The following RNF166 variants were observed in gnomAD, a reference collection of about 807,000 sequenced individuals.
RNF166 encodes E3 ubiquitin-protein ligase RNF166.
Under a neutral mutation model 29.4 loss-of-function variants are expected in RNF166, and 19 were observed. The observed-to-expected ratio is 0.65, with a 90% confidence interval of 0.45 to 0.95. The LOEUF is 0.95. Among genes scored for constraint, RNF166 ranks in the 40% least tolerant of loss-of-function variants. RNF166 has a pLI of 0.00. For synonymous variants in RNF166, 171 were observed against 134.5 expected (o/e 1.27, Z -1.88); for missense variants, 347 against 322.1 (o/e 1.08, Z -0.59).
At position 88,699,645 on chromosome 16, in the gene RNF166, C is replaced by T; in HGVS notation, c.400G>A (p.Val134Met). 4.3e-6 allele frequency: 7 copies of T among 1,613,376 alleles called. No homozygotes were observed. The highest frequency in any genetic ancestry group is 5.9e-6 in the Non-Finnish European group (7 of 1,179,818). ...MANCPKFVPV[V>M]PTSQPIPSNI... The stretch of plus-strand genomic sequence containing the variant: ...CTGGGGATAGGCTGTGATGTGGGCA[C>T]CACGGGGACGAACTTGGGGCAGTTG... Residue 134 changes from valine (V) to methionine (M), a missense_variant, in exon 3 of 6, where the codon GTG becomes ATG. Coordinates refer to ENST00000312838, the MANE Select transcript of RNF166 (RefSeq NM_178841.4).
chr16:88,703,962 G>A, intron 1 of RNF166: 3 of 985,478 alleles, frequency 3.0e-6, no homozygotes, highest in Non-Finnish European at 3.6e-6. Flanking sequence ...GCGTGTCCTG[G>A]CCCACAGGCT....
chr16:88,702,432 A>G (rs1377857630), intron 1 of RNF166, among the ~76,000 whole-genome samples: 1 of 152,164 alleles, frequency 6.6e-6, no homozygotes, highest in Non-Finnish European at 1.5e-5. Flanking sequence ...CCCACTGGAC[A>G]GAGGGGCTGT....
At chr16:88,701,200 C>T (rs970298527) in intron 2 of RNF166, 62 bp downstream of exon 2, 3 of 1,594,956 alleles carry the variant, frequency 1.9e-6, no homozygotes. Context: ...TCTGCAGAAC[C>T]CGTGGGCTGA....
chr16:88,703,199 G>T, intron 1 of RNF166: 1 of 975,514 alleles, frequency 1.0e-6, no homozygotes, highest in Non-Finnish European at 1.2e-6. Flanking sequence ...CAGGCGAGGG[G>T]GAGAGTCCTG....
intron 4 of RNF166, 59 bp from the exon 5 acceptor site, chr16:88,698,668 T>C (rs956555269): frequency 1.5e-5 from 20 of 1,324,530 alleles, no homozygotes; most frequent in Non-Finnish European, 2.0e-5. Context: ...GTAGCCGCAG[T>C]AGGACTGGGG....
chr16:88,702,195 C>A (rs528068720), intron 1 of RNF166, among the ~76,000 whole-genome samples: 1 of 152,250 alleles, frequency 6.6e-6, no homozygotes, highest in Non-Finnish European at 1.5e-5. Context: ...GAGGGGTGCA[C>A]CACCAGCCAG....
chr16:88,701,540 G>A (rs936021192), intron 1 of RNF166, 122 bp from the exon 2 acceptor site: 6 of 927,550 alleles, frequency 6.5e-6, no homozygotes, highest in Non-Finnish European at 9.4e-6. Context: ...TCCCCCTACC[G>A]CTGTCGCCGT....
intron 3 of RNF166, 131 bp from the exon 4 acceptor site, chr16:88,699,216 GC>G: frequency 2.8e-6 from 2 of 708,840 alleles, no homozygotes; most frequent in Non-Finnish European, 4.9e-6. Flanking sequence ...GTGGCTGGGT[GC>G]CCCCCGTGCC....
chr16:88,701,042 C>T (rs941181490), intron 2 of RNF166: 23 of 1,373,754 alleles, frequency 1.7e-5, no homozygotes, highest in Non-Finnish European at 1.9e-5. Context: ...AGTGCTACCC[C>T]CACCGGGCTG....
At position 88,706,395 on chromosome 16, in the gene RNF166, TA is replaced by T; in HGVS notation, c.-71del. On this transcript the variant is annotated 5_prime_UTR_variant, in exon 1 of 6. Transcript: ENST00000312838. ...GGGCCGGCCCGCTAGTCACAGCCGC[TA>T]CTGCGCCGCGCTGACGTCATCGTAG... The T allele has an allele frequency of 8.2e-7, 1 of 1,222,042 alleles. No individual in the cohort carries two copies. Among genetic ancestry groups the T allele is most frequent in the Non-Finnish European group, 1.0e-6 (1 of 973,176 alleles). The allele number at this position is 1,222,042 out of a possible 1,614,324, so 75.7% of individuals were successfully genotyped here.
At position 88,698,545 on chromosome 16, in the gene RNF166, T is replaced by C; in HGVS notation, c.605A>G (p.Gln202Arg). Residue 202 changes from glutamine (Q) to arginine (R), a missense_variant, in exon 5 of 6, where the codon CAG becomes CGG. Transcript: ENST00000312838. Reference sequence around the variant, plus strand: ...GAACTTGTGTCGGTGAAGCAGGTGCTGCAGGAAGTTGGCGCTCTTGTAGCT... The same window carrying C: ...GAACTTGTGTCGGTGAAGCAGGTGCCGCAGGAAGTTGGCGCTCTTGTAGCT... ...DPSYKSANFL[Q>R]HLLHRHKFSY... 1 of 1,574,638 alleles carries C rather than the reference T, an allele frequency of 6.4e-7. No homozygotes were observed. Among genetic ancestry groups the C allele is most frequent in the Non-Finnish European group, 8.6e-7 (1 of 1,159,886 alleles).
chr16:88,698,722 C>G, intron 4 of RNF166, 113 bp from the exon 5 acceptor site: 1 of 805,712 alleles, frequency 1.2e-6, no homozygotes, highest in Non-Finnish European at 1.9e-6. Context: ...CCTGGGAAGG[C>G]ACCCCAGACC....
At position 88,696,610 on chromosome 16, in the gene RNF166, C is replaced by T. The variant is rs538097687; in HGVS notation, c.*958G>A. Reference sequence around the variant, plus strand: ...TGTTGCCCGGCCCGCCAAGCGGGCCCCTGCCCAGGCCCCCAAGCTCTGCCA... The same window carrying T: ...TGTTGCCCGGCCCGCCAAGCGGGCCTCTGCCCAGGCCCCCAAGCTCTGCCA... On this transcript the variant is annotated 3_prime_UTR_variant, in exon 6 of 6. Coordinates refer to ENST00000312838, the MANE Select transcript of RNF166 (RefSeq NM_178841.4). 1 of 454,590 alleles carries T rather than the reference C, an allele frequency of 2.2e-6. No homozygotes were observed. The allele number at this position is 454,590 out of a possible 1,614,324, so 28.2% of individuals were successfully genotyped here.
At position 88,698,992 on chromosome 16, in the gene RNF166, G is replaced by A. The variant is rs747748900; in HGVS notation, c.519C>T (p.His173=). 1 of 1,603,468 alleles carries A rather than the reference G, an allele frequency of 6.2e-7. No homozygotes were observed. Among genetic ancestry groups the A allele is most frequent in the Admixed American group, 1.7e-5 (1 of 58,714 alleles). Residue 173 remains histidine, a synonymous_variant, in exon 4 of 6, where the codon CAC becomes CAT. Transcript: ENST00000312838. The stretch of plus-strand genomic sequence containing the variant: ...TCACCACGCGGTTGGGGTCGCTGCG[G>A]TGGCTTTCCACACAGTGCTTCACCA... The part of the protein sequence containing the change: ...QELVKHCVES[H]RSDPNRVVCP...
chr16:88,702,675 G>A (rs1910373075), intron 1 of RNF166: 1 of 984,600 alleles, frequency 1.0e-6, no homozygotes, highest in Non-Finnish European at 1.2e-6. Context: ...GCTCCCACAT[G>A]AAACTTCGTG....
In RNF166 at chr16:88,706,272, G is replaced by C. The variant is rs1433143233; in HGVS notation, c.54C>G (p.Ala18=). ...GGCCGCTGTCGCCGCCCGCCGGCCC[G>C]GCCGGCGGCTGCCGCTGCTGAGCCG... The part of the protein sequence containing the change: ...VASAQQRQPP[A]GPAGGDSGLE... Residue 18 remains alanine (A), a synonymous_variant, in exon 1 of 6, where the codon GCC becomes GCG. Coordinates refer to ENST00000312838, the MANE Select transcript of RNF166 (RefSeq NM_178841.4). The C allele has an allele frequency of 7.7e-7, 1 of 1,298,860 alleles. No homozygotes were observed. Among genetic ancestry groups the C allele is most frequent in the African/African-American group, 1.6e-5 (1 of 63,570 alleles). The allele number at this position is 1,298,860 out of a possible 1,614,324, so 80.5% of individuals were successfully genotyped here.
At position 88,706,356 on chromosome 16, in the gene RNF166, C is replaced by T; in HGVS notation, c.-31G>A. 7 of 1,216,832 alleles carry T rather than the reference C, an allele frequency of 5.8e-6. No homozygotes were observed. Among genetic ancestry groups the T allele is most frequent in the South Asian group, 3.7e-5 (1 of 26,818 alleles). 75.4% of individuals were successfully genotyped at this position (1,216,832 alleles called of 1,614,324 possible). On this transcript the variant is annotated 5_prime_UTR_variant, in exon 1 of 6. Coordinates refer to ENST00000312838, the MANE Select transcript of RNF166 (RefSeq NM_178841.4). ...GGCCAGGCCCGCGCCGCCCGCCGCC[C>T]GCTGTCCTGGCCCGGGCCGGCCCGC...
chr16:88,704,110 T>G (rs1229853464), intron 1 of RNF166: 4 of 985,300 alleles, frequency 4.1e-6, no homozygotes, highest in Admixed American at 6.1e-5. Context: ...CCATGAGAGA[T>G]CTACCCTGGA....
intron 5 of RNF166, chr16:88,698,230 G>T (rs1909827406): frequency 3.1e-6 from 2 of 646,472 alleles, no homozygotes; most frequent in Non-Finnish European, 5.6e-6. Flanking sequence ...CCCTCGAGGG[G>T]TTCTGTGGGG....
Sources: allele counts gnomAD v4.1 joint callset (sites outside exome capture counted in the v4.1 genomes callset), GRCh38; gene constraint gnomAD v4.1.1; transcripts MANE v1.5; gene names NCBI Gene and HGNC (gene_info 2026-07-23, HGNC 2026-07-21).